Variants in GPC3 observed in about 807,000 individuals in gnomAD.
The protein encoded by GPC3 is glypican-3.
Under a neutral mutation model 34.4 loss-of-function variants are expected in GPC3, and 3 were observed. The ratio of observed to expected loss-of-function variants is 0.09; its 90% confidence interval spans 0.04 to 0.23. GPC3 has a LOEUF of 0.23. GPC3 is among the 10% of genes least tolerant of loss of function. GPC3 has a pLI of 1.00. For missense variants in GPC3, 351 were observed against 445.6 expected (o/e 0.79, Z 1.91); for synonymous variants, 177 against 174.0 (o/e 1.02, Z -0.13).
intron 2 of GPC3, among the ~76,000 whole-genome samples, chrX:133,868,911 T>C (rs2124573574): frequency 8.9e-6 from 1 of 112,058 alleles, no homozygotes; most frequent in East Asian, 2.8e-4. Flanking sequence ...GAAACCCTTT[T>C]GAGGTTTTGT....
intron 2 of GPC3, among the ~76,000 whole-genome samples, chrX:133,936,984 C>T (rs1008671988): frequency 2.7e-5 from 3 of 111,339 alleles, no homozygotes; most frequent in Middle Eastern, 4.7e-3. Context: ...AGGAAGATAT[C>T]CACAGAGCCT....
chrX:133,551,128 C>T (rs1238325750), intron 7 of GPC3, among the ~76,000 whole-genome samples: 1 of 105,322 alleles, frequency 9.5e-6, no homozygotes, highest in Non-Finnish European at 2.0e-5. Flanking sequence ...AATCTGCCCC[C>T]CCCCACCCCA....
chrX:133,720,353 G>A (rs750034345), intron 3 of GPC3, among the ~76,000 whole-genome samples: 1 of 111,990 alleles, frequency 8.9e-6, no homozygotes, highest in African/African-American at 3.2e-5. Flanking sequence ...GAGGGCCCTG[G>A]TGGGAGGTAA....
chrX:133,771,527 A>G (rs1425331973), intron 2 of GPC3, among the ~76,000 whole-genome samples: 1 of 112,146 alleles, frequency 8.9e-6, no homozygotes, highest in East Asian at 2.8e-4. Flanking sequence ...CCCAAACGCT[A>G]AATTCCATCT....
chrX:133,781,867 T>C (rs2072049198), intron 2 of GPC3, among the ~76,000 whole-genome samples: 1 of 112,031 alleles, frequency 8.9e-6, no homozygotes, highest in Non-Finnish European at 1.9e-5. Context: ...ATTCCTTTCC[T>C]GAAGAAATTT....
In GPC3 at chrX:133,946,287, A is replaced by C. The variant is rs1246207149; in HGVS notation, c.337+6763T>G. 2.7e-5 allele frequency among the ~76,000 whole-genome samples: 3 copies of C among 111,882 alleles called. No individual in the cohort carries two copies. The Admixed American group carries it at 2.8e-4, about 11-fold the overall frequency. ...TTAAGGGCACAGGCTATGGAGCTGT[A>C]CTTCCTGCGTTCAATTCTTGTCTCT... On this transcript the variant is annotated intron_variant, in intron 2 of 7. Transcript: ENST00000370818.
rs1482617749 is a variant in GPC3, at chrX:133,929,916, A to G, written c.337+23134T>C. Among the ~76,000 whole-genome samples, 3 of 112,180 alleles carry G rather than the reference A, an allele frequency of 2.7e-5. No homozygotes were observed. The Admixed American group carries it at 2.8e-4, about 11-fold the overall frequency. On this transcript the variant is annotated intron_variant, in intron 2 of 7. Coordinates refer to ENST00000370818, the MANE Select transcript of GPC3 (RefSeq NM_004484.4). ...CACAAAAGTTGTTTAGGAAAACAAA[A>G]TCGGGCAACATTGAATAACTAGATT... is the stretch of plus-strand genomic sequence containing the variant.
intron 5 of GPC3, among the ~76,000 whole-genome samples, chrX:133,679,971 G>A (rs927450583): frequency 4.5e-5 from 5 of 111,685 alleles, no homozygotes; most frequent in African/African-American, 1.6e-4. Context: ...TACCAGTCAC[G>A]AAGGAGCTAC....
chrX:133,602,822 A>C (rs2069999765), intron 6 of GPC3, among the ~76,000 whole-genome samples: 1 of 111,652 alleles, frequency 9.0e-6, no homozygotes, highest in African/African-American at 3.3e-5. Context: ...GTGTCAACCA[A>C]AAATAAAAGG....
At chrX:133,616,183 C>T (rs987088861) in intron 6 of GPC3, among the ~76,000 whole-genome samples, 8 of 111,292 alleles carry the variant, frequency 7.2e-5, no homozygotes, top group East Asian at 5.6e-4. Flanking sequence ...ATCAGTTCAG[C>T]GAGATTGTAG....
At chrX:133,808,084 C>A (rs958559958) in intron 2 of GPC3, among the ~76,000 whole-genome samples, 1 of 112,526 alleles carries the variant, frequency 8.9e-6, no homozygotes, top group Admixed American at 9.4e-5. Context: ...GTTAACAATA[C>A]TGGCCAAATG....
intron 6 of GPC3, among the ~76,000 whole-genome samples, chrX:133,599,099 C>T (rs1302648457): frequency 8.9e-6 from 1 of 111,981 alleles, no homozygotes; most frequent in Non-Finnish European, 1.9e-5. Context: ...TTTAAGTCTG[C>T]ATAACTATAG....
At chrX:133,950,212 C>A (rs1193652425) in intron 2 of GPC3, among the ~76,000 whole-genome samples, 1 of 111,918 alleles carries the variant, frequency 8.9e-6, no homozygotes, top group African/African-American at 3.2e-5. Flanking sequence ...CGAGGCAATG[C>A]AAAGACTGAG....
At chrX:133,948,863 C>T (rs1016720845) in intron 2 of GPC3, among the ~76,000 whole-genome samples, 10 of 111,916 alleles carry the variant, frequency 8.9e-5, no homozygotes, top group African/African-American at 2.6e-4. Context: ...TGAAATACAT[C>T]ATGAACTCCA....
At chrX:133,627,403 A>G (rs1303860146) in intron 6 of GPC3, among the ~76,000 whole-genome samples, 1 of 112,035 alleles carries the variant, frequency 8.9e-6, no homozygotes, top group Non-Finnish European at 1.9e-5. Flanking sequence ...AAAATATTGA[A>G]AGTTTATAGT....
chrX:133,678,487 G>C (rs2070905984), intron 5 of GPC3, among the ~76,000 whole-genome samples: 1 of 111,772 alleles, frequency 8.9e-6, no homozygotes, highest in South Asian at 3.8e-4. Flanking sequence ...TTTAGTAGCT[G>C]TAAGAGTCAT....
At chrX:133,717,593 A>G (rs1242868076) in intron 3 of GPC3, among the ~76,000 whole-genome samples, 2 of 110,685 alleles carry the variant, frequency 1.8e-5, no homozygotes, top group Non-Finnish European at 3.8e-5. Context: ...TGCTCAATCA[A>G]TCACAACCCT....
intron 1 of GPC3, among the ~76,000 whole-genome samples, chrX:133,976,877 C>T (rs1286197360): frequency 1.8e-5 from 2 of 108,730 alleles, no homozygotes; most frequent in African/African-American, 6.7e-5. Context: ...GAGATTGTGC[C>T]ACCACACTCC....
rs72615411 is a variant in GPC3 at position 133,579,268 on chromosome X, C to T, written c.1573+17172G>A. ...TCAGTGCTTTAACCGCTTTACATTACAATGATCCAGTTAGGTGTCTGTGCC... is the reference window on the plus strand; with the variant it reads ...TCAGTGCTTTAACCGCTTTACATTATAATGATCCAGTTAGGTGTCTGTGCC... On this transcript the variant is annotated intron_variant, in intron 7 of 7. Transcript: ENST00000370818. Among the ~76,000 whole-genome samples, 243 of 112,570 alleles carry T rather than the reference C, an allele frequency of 2.2e-3. 6 individuals carry two copies. In the East Asian group the frequency reaches 0.065, roughly 30 times the overall value.
Sources: allele counts gnomAD v4.1 joint callset (sites outside exome capture counted in the v4.1 genomes callset), GRCh38; gene constraint gnomAD v4.1.1; transcripts MANE v1.5; gene names NCBI Gene and HGNC (gene_info 2026-07-23, HGNC 2026-07-21).